The following SLC4A10 variants were observed in gnomAD, a reference collection of about 807,000 sequenced individuals.
SLC4A10 encodes sodium-driven chloride bicarbonate exchanger.
Under a neutral mutation model 137.7 loss-of-function variants are expected in SLC4A10, and 42 were observed. That is an observed-to-expected ratio of 0.30 (90% CI 0.24 to 0.39). SLC4A10 has a LOEUF of 0.39. Ranked by LOEUF, SLC4A10 falls within the 10% of genes least tolerant of loss-of-function variation. The pLI is 1.00. For missense variants in SLC4A10, 925 were observed against 1,355.0 expected, an observed-to-expected ratio of 0.68 and a Z score of 4.98; for synonymous variants, 474 against 464.1, an observed-to-expected ratio of 1.02 and a Z score of -0.27.
At chr2:161,779,663 A>T (rs570738984) in intron 2 of SLC4A10, among the ~76,000 whole-genome samples, 1 of 152,112 alleles carries the variant, frequency 6.6e-6, no homozygotes, top group South Asian at 2.1e-4. Context: ...AAAGTAAAAA[A>T]TTAGGGCTGG....
At chr2:161,699,436 C>T (rs1451381775) in intron 1 of SLC4A10, among the ~76,000 whole-genome samples, 2 of 152,076 alleles carry the variant, frequency 1.3e-5, no homozygotes, top group African/African-American at 4.8e-5. Context: ...TTTGAAATAG[C>T]CACCCCGGCA....
Position 161,984,803 on chromosome 2 carries a change from G to T in SLC4A10, c.*1651G>T, listed in dbSNP as rs1700629191. The T allele has an allele frequency of 6.6e-6, 1 of 152,142 alleles. No individual in the cohort carries two copies. The highest frequency in any genetic ancestry group is 2.4e-5 in the African/African-American group (1 of 41,546). The allele number at this position is 152,142 out of a possible 1,614,324, so 9.4% of individuals were successfully genotyped here. A position where few individuals can be genotyped will look rare whatever the true frequency, so the allele number is the denominator to read the frequency against. ...TCTGTTCCAAATGTGTTGCCTTTGT[G>T]TATTTTATAATACAGATACTACATT... On this transcript the variant is annotated 3_prime_UTR_variant, in exon 27 of 27. Transcript: ENST00000446997.
rs1446884052 is a variant in SLC4A10 at position 161,836,585 on chromosome 2, AAAGAAAGAAAGAAAGGAAGG to A, written c.278-3200_278-3181del. Among the ~76,000 whole-genome samples, 104 of 99,140 alleles carry A rather than the reference AAAGAAAGAAAGAAAGGAAGG, an allele frequency of 1.0e-3. 4 individuals are homozygous for A. Among genetic ancestry groups the A allele is most frequent in the Admixed American group, 2.0e-3 (19 of 9,734 alleles). 65.0% of individuals were successfully genotyped at this position (99,140 alleles called of 152,430 possible). ...GAAAGAAAGAAAGAAAGAAAGAAAG[AAAGAAAGAAAGAAAGGAAGG>A]AAGGAAAGAAATGAAAGAAAAGAAA... On this transcript the variant is annotated intron_variant, in intron 3 of 26. Transcript: ENST00000446997.
intron 21 of SLC4A10, 104 bp downstream of exon 21, chr2:161,958,659 T>G: frequency 2.9e-6 from 2 of 692,656 alleles, no homozygotes; most frequent in Non-Finnish European, 4.7e-6. Context: ...GAGGAACAGC[T>G]TTTAGACCAC....
chr2:161,965,031 T>C lies in SLC4A10; in HGVS notation c.3037-20T>C, dbSNP rs753724027. 4.4e-6 allele frequency: 7 copies of C among 1,600,804 alleles called. No individual in the cohort carries two copies. The highest frequency in any genetic ancestry group is 6.0e-6 in the Non-Finnish European group (7 of 1,173,582). On this transcript the variant is annotated intron_variant, in intron 22 of 26. Transcript: ENST00000446997. Reference sequence around the variant, plus strand: ...TTTTAATTTTTTTTCCACTTTAAACTAGTTTATTATTTACTTCAGGTGTTA... The same window carrying C: ...TTTTAATTTTTTTTCCACTTTAAACCAGTTTATTATTTACTTCAGGTGTTA...
At chr2:161,903,860 T>C in intron 12 of SLC4A10, 144 bp from the exon 13 acceptor site, 1 of 781,116 alleles carries the variant, frequency 1.3e-6, no homozygotes, top group South Asian at 2.0e-5. Flanking sequence ...TAGATTGTTA[T>C]AAGACAATGC....
chr2:161,668,412 C>T (rs188030433), intron 1 of SLC4A10, among the ~76,000 whole-genome samples: 1 of 151,826 alleles, frequency 6.6e-6, no homozygotes, highest in Admixed American at 6.6e-5. Context: ...GAGGAGAAAA[C>T]TAGAGCCAGA....
At chr2:161,702,725 G>A (rs760171065) in intron 1 of SLC4A10, among the ~76,000 whole-genome samples, 2 of 151,730 alleles carry the variant, frequency 1.3e-5, no homozygotes, top group African/African-American at 2.4e-5. Context: ...TTATCATTGC[G>A]TTGGTTTTCA....
intron 4 of SLC4A10, among the ~76,000 whole-genome samples, chr2:161,843,155 A>G (rs1444657529): frequency 1.3e-5 from 2 of 152,298 alleles, no homozygotes; most frequent in East Asian, 1.9e-4. Flanking sequence ...GTGATTTTTC[A>G]TCTTACAGAT....
intron 10 of SLC4A10, among the ~76,000 whole-genome samples, chr2:161,883,592 G>A (rs1160885573): frequency 6.6e-6 from 1 of 152,164 alleles, no homozygotes; most frequent in Non-Finnish European, 1.5e-5. Context: ...AATGACAGTA[G>A]TTTGTTTTCT....
At chr2:161,690,982 G>C (rs2041929139) in intron 1 of SLC4A10, among the ~76,000 whole-genome samples, 1 of 151,822 alleles carries the variant, frequency 6.6e-6, no homozygotes. Context: ...AAATTTGAAA[G>C]TGGTGATAAC....
chr2:161,893,725 A>AG (rs990811278), intron 10 of SLC4A10, among the ~76,000 whole-genome samples: 71 of 151,868 alleles, frequency 4.7e-4, no homozygotes, highest in African/African-American at 1.6e-3. Flanking sequence ...AAAATATTCG[A>AG]GGGGGGGACA....
chr2:161,735,164 A>T (rs1442562063), intron 1 of SLC4A10, among the ~76,000 whole-genome samples: 1 of 148,680 alleles, frequency 6.7e-6, no homozygotes, highest in African/African-American at 2.4e-5. Context: ...TATATAATAT[A>T]CATATATTAA....
In SLC4A10 at chr2:161,755,645, A is replaced by C. The variant is rs551160507; in HGVS notation, c.49-15328A>C. ...CCATGATACTGATCCTGTCTTTTAG[A>C]GATTTTACATTTGTTTTTCTCACAA... is the stretch of plus-strand genomic sequence containing the variant. On this transcript the variant is annotated intron_variant, in intron 1 of 26. Coordinates refer to ENST00000446997, the MANE Select transcript of SLC4A10 (RefSeq NM_001178015.2). Among the ~76,000 whole-genome samples, 273 of 152,198 alleles carry C rather than the reference A, an allele frequency of 1.8e-3. 1 individual carries two copies. The highest frequency in any genetic ancestry group is 6.2e-3 in the African/African-American group (258 of 41,510).
chr2:161,690,081 A>G (rs925715316), intron 1 of SLC4A10, among the ~76,000 whole-genome samples: 1 of 152,214 alleles, frequency 6.6e-6, no homozygotes, highest in Non-Finnish European at 1.5e-5. Context: ...CAGAATCTAG[A>G]AGGAACTTAA....
intron 1 of SLC4A10, among the ~76,000 whole-genome samples, chr2:161,728,059 G>C (rs1349296328): frequency 6.6e-6 from 1 of 152,052 alleles, no homozygotes; most frequent in African/African-American, 2.4e-5. Flanking sequence ...CCAATATCAG[G>C]AATGAGAGAG....
At chr2:161,797,508 T>TTCATC (rs2054899756) in intron 2 of SLC4A10, among the ~76,000 whole-genome samples, 1 of 151,132 alleles carries the variant, frequency 6.6e-6, no homozygotes, top group African/African-American at 2.5e-5. Flanking sequence ...TGCTGCTGTT[T>TTCATC]TCATTGCTGG....
chr2:161,851,335 G>A (rs1293183233), intron 4 of SLC4A10, among the ~76,000 whole-genome samples: 1 of 152,058 alleles, frequency 6.6e-6, no homozygotes, highest in East Asian at 1.9e-4. Flanking sequence ...TGATTATATT[G>A]CCATTATCTA....
At chr2:161,928,649 C>CAAAAAA (rs34327479) in intron 15 of SLC4A10, among the ~76,000 whole-genome samples, 5 of 99,286 alleles carry the variant, frequency 5.0e-5, no homozygotes, top group East Asian at 6.9e-4. Context: ...TCCTTGAAAG[C>CAAAAAA]AAAAAAAAAA....
Sources: allele counts gnomAD v4.1 joint callset (sites outside exome capture counted in the v4.1 genomes callset), GRCh38; gene constraint gnomAD v4.1.1; transcripts MANE v1.5; gene names NCBI Gene and HGNC (gene_info 2026-07-23, HGNC 2026-07-21).